FMO3: variants seen among roughly 807,000 people sequenced by gnomAD.
FMO3 encodes flavin containing dimethylaniline monoxygenase 3, also known as flavin-containing monooxygenase 3.
In FMO3, 40 loss-of-function variants were observed where a neutral mutation model predicts 39.4. The ratio of observed to expected loss-of-function variants is 1.02; its 90% CI spans 0.79 to 1.32. FMO3 has a LOEUF of 1.32. Ranked by LOEUF, FMO3 falls within the 40% of genes most tolerant of loss-of-function variation. The pLI is 0.00. For synonymous variants in FMO3, 219 were observed against 228.8 expected (o/e 0.96, Z 0.39); for missense variants, 680 against 651.8 (o/e 1.04, Z -0.47).
rs778094769 is a variant in FMO3, at chr1:171,117,378, T to C, written c.1535T>C (p.Phe512Ser). 7 of 1,612,700 alleles carry C rather than the reference T, an allele frequency of 4.3e-6. No individual in the cohort carries two copies. Among genetic ancestry groups the C allele is most frequent in the South Asian group, 1.1e-5 (1 of 90,950 alleles). ...AGACTTCAGAAGCCTTGCTTCTTTTTCCATTGGCTGAAGCTCTTTGCAATT... is the reference window on the plus strand; with the variant it reads ...AGACTTCAGAAGCCTTGCTTCTTTTCCCATTGGCTGAAGCTCTTTGCAATT... ...VGRLQKPCFF[F>S]HWLKLFAIPI... Residue 512 changes from phenylalanine (F) to serine (S), a missense_variant, in exon 9 of 9, where the codon TTC becomes TCC. Coordinates refer to ENST00000367755, the MANE Select transcript of FMO3 (RefSeq NM_001002294.3).
At chr1:171,107,925 G>T in intron 4 of FMO3, 88 bp downstream of exon 4, 1 of 1,461,286 alleles carries the variant, frequency 6.8e-7, no homozygotes, top group Non-Finnish European at 9.6e-7. Flanking sequence ...GTATAAGCAG[G>T]TTAAATTAAA....
At chr1:171,104,076 C>A in intron 3 of FMO3, 103 bp downstream of exon 3, 1 of 903,302 alleles carries the variant, frequency 1.1e-6, no homozygotes, top group Non-Finnish European at 1.8e-6. Context: ...TCTAATTTGT[C>A]AACATTTTTA....
At chr1:171,094,660 AT>A (rs1654869356) in intron 2 of FMO3, among the ~76,000 whole-genome samples, 1 of 152,194 alleles carries the variant, frequency 6.6e-6, no homozygotes, top group East Asian at 1.9e-4. Flanking sequence ...GCGTATGGCT[AT>A]CTAATTTTCC....
chr1:171,095,563 A>G (rs28363527), intron 2 of FMO3, among the ~76,000 whole-genome samples: 39,809 of 150,726 alleles, frequency 0.26, 6,006 homozygotes, highest in African/African-American at 0.41. Flanking sequence ...TCAGTATTAT[A>G]TTATTTACCT....
At chr1:171,096,694 T>C (rs1655096381) in intron 2 of FMO3, among the ~76,000 whole-genome samples, 2 of 138,512 alleles carry the variant, frequency 1.4e-5, no homozygotes, top group Non-Finnish European at 1.5e-5. Context: ...ATATAATTAA[T>C]ATAATTATAT....
intron 2 of FMO3, among the ~76,000 whole-genome samples, chr1:171,093,424 C>T (rs1654804888): frequency 1.3e-5 from 2 of 151,684 alleles, no homozygotes; most frequent in Admixed American, 1.3e-4. Context: ...TAATGGCCTC[C>T]AGTCCCATCC....
intron 2 of FMO3, among the ~76,000 whole-genome samples, chr1:171,096,510 TTAAATACATAATATAC>T (rs1278757169): frequency 9.5e-6 from 1 of 105,036 alleles, no homozygotes; most frequent in East Asian, 2.9e-4. Flanking sequence ...ACTTTATATA[TTAAATACATAATATAC>T]TTTATATATT....
At chr1:171,092,835 G>C in intron 2 of FMO3, 45 bp downstream of exon 2, 3 of 1,605,390 alleles carry the variant, frequency 1.9e-6, no homozygotes, top group Non-Finnish European at 1.7e-6. Flanking sequence ...AGGTTGGGAA[G>C]TGTATAAGAG....
At chr1:171,106,725 A>C (rs181692328) in intron 3 of FMO3, among the ~76,000 whole-genome samples, 1 of 152,282 alleles carries the variant, frequency 6.6e-6, no homozygotes, top group East Asian at 1.9e-4. Flanking sequence ...AGAATATATA[A>C]ATTACTAGAA....
chr1:171,114,059 T>C lies in FMO3; in HGVS notation c.880T>C (p.Cys294Arg). The change falls in exon 7 of 9, where the codon TGT (cysteine) becomes CGT (arginine). Residue 294 changes from cysteine (C) to arginine (R), a missense_variant. Transcript: ENST00000367755. ...CGATGAGCTCCCAGCAAGCATTCTG[T>C]GTGGCATTGTGTCCGTAAAGCCTAA... is the stretch of plus-strand genomic sequence containing the variant. ...FNDELPASIL[C>R]GIVSVKPNVK... is the part of the protein sequence containing the mutation. The C allele has an allele frequency of 6.2e-7, 1 of 1,613,192 alleles. No homozygotes were observed. Among genetic ancestry groups the C allele is most frequent in the Non-Finnish European group, 8.5e-7 (1 of 1,179,362 alleles).
At position 171,114,361 on chromosome 1, in the gene FMO3, G is replaced by A; in HGVS notation, c.1182G>A (p.Lys394=). 6.2e-7 allele frequency: 1 copy of A among 1,608,356 alleles called. No homozygotes were observed. Among genetic ancestry groups the A allele is most frequent in the Non-Finnish European group, 8.5e-7 (1 of 1,175,394 alleles). The change falls in exon 7 of 9, where the codon AAG becomes AAA. Residue 394 remains lysine, a splice_region_variant and synonymous_variant. Coordinates refer to ENST00000367755, the MANE Select transcript of FMO3 (RefSeq NM_001002294.3). The stretch of plus-strand genomic sequence containing the variant: ...CCCGCTGGGCAGCACAAGTAATAAA[G>A]GGTAAGTCAATAAAGAGGCTCATGG... The part of the protein sequence containing the change: ...LQSRWAAQVI[K]GTCTLPSMED...
At chr1:171,105,208 G>T (rs1264452418) in intron 3 of FMO3, among the ~76,000 whole-genome samples, 1 of 152,048 alleles carries the variant, frequency 6.6e-6, no homozygotes, top group African/African-American at 2.4e-5. Context: ...TTCCAAACTT[G>T]CAGTGAACAA....
At chr1:171,116,319 T>C (rs1557947881) in intron 8 of FMO3, 39 bp downstream of exon 8, 1 of 1,107,608 alleles carries the variant, frequency 9.0e-7, no homozygotes, top group Non-Finnish European at 1.4e-6. Flanking sequence ...AGGATTTCCA[T>C]AGAAAAGTGA....
chr1:171,106,439 C>G lies in FMO3; in HGVS notation c.322-1236C>G, dbSNP rs548920021. ...ACAGGCGTAAGCCACCATGCCTGGT[C>G]TTAGAAATTTTGTAATTGCATATGT... On this transcript the variant is annotated intron_variant, in intron 3 of 8. Transcript: ENST00000367755. Among the ~76,000 whole-genome samples, 4 of 152,282 alleles carry G rather than the reference C, an allele frequency of 2.6e-5. No individual in the cohort carries two copies. In the South Asian group the frequency reaches 6.2e-4, roughly 24 times the overall value.
chr1:171,104,097 C>A, intron 3 of FMO3, 124 bp downstream of exon 3: 1 of 762,364 alleles, frequency 1.3e-6, no homozygotes, highest in Non-Finnish European at 2.2e-6. Context: ...ACAGTGTGGC[C>A]TCTCTAACTC....
chr1:171,117,721 C>T lies in FMO3; in HGVS notation c.*279C>T, dbSNP rs1656227405. On this transcript the variant is annotated 3_prime_UTR_variant, in exon 9 of 9. Coordinates refer to ENST00000367755, the MANE Select transcript of FMO3 (RefSeq NM_001002294.3). ...TCTTTATATCTAACTTAAATCATTT[C>T]CTGAAACATTTTGACATGATTCCTT... 3.3e-6 allele frequency: 1 copy of T among 301,810 alleles called. No homozygotes were observed. Among genetic ancestry groups the T allele is most frequent in the East Asian group, 6.0e-5 (1 of 16,778 alleles). The allele number at this position is 301,810 out of a possible 1,614,324, so 18.7% of individuals were successfully genotyped here.
intron 5 of FMO3, among the ~76,000 whole-genome samples, chr1:171,109,526 C>CTTTTTTTTTTTTTTTTTTTTTTT (rs780479699): frequency 1.7e-5 from 1 of 58,994 alleles, no homozygotes; most frequent in African/African-American, 7.1e-5. Flanking sequence ...TTAGTCTCTT[C>CTTTTTTTTTTTTTTTTTTTTTTT]TTTTTTTTTT....
chr1:171,094,381 A>C (rs578041491), intron 2 of FMO3, among the ~76,000 whole-genome samples: 2 of 152,158 alleles, frequency 1.3e-5, no homozygotes, highest in East Asian at 3.9e-4. Flanking sequence ...TGTTGAATGC[A>C]TAGCTTGCAA....
chr1:171,116,797 G>A (rs1571229302), intron 8 of FMO3, among the ~76,000 whole-genome samples: 1 of 152,148 alleles, frequency 6.6e-6, no homozygotes, highest in Admixed American at 6.6e-5. Context: ...TGAGCAAGAG[G>A]CAATCTATCC....
Sources: gnomAD v4.1 joint callset for allele counts (sites outside exome capture counted in the v4.1 genomes callset) on GRCh38, gnomAD v4.1.1 for gene constraint, MANE v1.5 for transcripts, NCBI Gene and HGNC (gene_info 2026-07-23, HGNC 2026-07-21) for gene names.